SCARB1: variants seen among roughly 807,000 people sequenced by gnomAD.
SCARB1 encodes the protein CD36 and LIMPII analogous 1.
Under a neutral mutation model 57.2 loss-of-function variants are expected in SCARB1, and 30 were observed. The observed-to-expected ratio is 0.52, with a 90% CI of 0.39 to 0.71. SCARB1 has a LOEUF of 0.71. Among genes scored for constraint, SCARB1 ranks in the 30% least tolerant of loss-of-function variants. The pLI, the probability that SCARB1 is intolerant of heterozygous loss-of-function variation, is 0.00. For synonymous variants in SCARB1, 249 were observed against 268.3 expected, an observed-to-expected ratio of 0.93 and a Z score of 0.70; for missense variants, 543 against 671.2, an observed-to-expected ratio of 0.81 and a Z score of 2.11.
chr12:124,785,361 C>A, intron 11 of SCARB1: 1 of 153,204 alleles, frequency 6.5e-6, no homozygotes, highest in Non-Finnish European at 1.5e-5. Context: ...TGTCCCTGCC[C>A]TCACTCCCCT....
chr12:124,781,545 G>GA (rs1337366397), intron 12 of SCARB1, among the ~76,000 whole-genome samples: 1 of 152,140 alleles, frequency 6.6e-6, no homozygotes, highest in Non-Finnish European at 1.5e-5. Flanking sequence ...AGCCCTACAG[G>GA]AACCTGGCCA....
rs1949653520 is a variant in SCARB1 at position 124,789,703 on chromosome 12, A to G, written c.1203-2246T>C. The stretch of plus-strand genomic sequence containing the variant: ...AAAAACAAATTTTAAAACCCTAAAA[A>G]AAGAAAAATTAATTTTTAAAAAGAG... On this transcript the variant is annotated intron_variant, in intron 9 of 12. Transcript: ENST00000261693. This position sits in a 1 kb window ranked among gnomAD's most constrained non-coding sequence, Gnocchi z 4.4. Among the ~76,000 whole-genome samples, 1 of 152,260 alleles carries G rather than the reference A, an allele frequency of 6.6e-6. No homozygotes were observed. Among genetic ancestry groups the G allele is most frequent in the Non-Finnish European group, 1.5e-5 (1 of 68,042 alleles).
intron 11 of SCARB1, chr12:124,785,088 C>T (rs929699528): frequency 6.6e-6 from 1 of 152,338 alleles, no homozygotes; most frequent in Admixed American, 6.5e-5. Flanking sequence ...CTCTTCCCCA[C>T]TTCCGTTCCC....
chr12:124,821,349 C>T, intron 1 of SCARB1: 1 of 984,698 alleles, frequency 1.0e-6, no homozygotes, highest in Non-Finnish European at 1.2e-6. Context: ...GGCTGCTGGG[C>T]TGGAGATACC....
chr12:124,828,305 G>A (rs1256116527), intron 1 of SCARB1, among the ~76,000 whole-genome samples: 2 of 151,762 alleles, frequency 1.3e-5, no homozygotes, highest in Non-Finnish European at 1.5e-5. Context: ...CTAACACCCC[G>A]CTCGCCCAGG....
At chr12:124,785,655 T>C (rs913814645) in intron 11 of SCARB1, 1 of 173,784 alleles carries the variant, frequency 5.8e-6, no homozygotes, top group Non-Finnish European at 1.2e-5. Context: ...CTGCTGCACA[T>C]GTATCGTACA....
intron 7 of SCARB1, among the ~76,000 whole-genome samples, chr12:124,806,561 G>T (rs889329695): frequency 2.0e-5 from 3 of 152,134 alleles, no homozygotes; most frequent in African/African-American, 7.2e-5. Flanking sequence ...CAGGTCACAG[G>T]GTAAACGGGC....
At chr12:124,858,426 A>G (rs56723247) in intron 1 of SCARB1, among the ~76,000 whole-genome samples, 4,617 of 152,250 alleles carry the variant, frequency 0.03, 143 homozygotes, top group East Asian at 0.19. Flanking sequence ...ACCCACTGGC[A>G]GAAGGGAAAA....
At chr12:124,848,155 C>T (rs1952239572) in intron 1 of SCARB1, among the ~76,000 whole-genome samples, 1 of 152,366 alleles carries the variant, frequency 6.6e-6, no homozygotes, top group African/African-American at 2.4e-5. Flanking sequence ...ACGATCTCGG[C>T]TCACTGCAAC....
chr12:124,862,846 C>T (rs1024242719), intron 1 of SCARB1, among the ~76,000 whole-genome samples: 1 of 152,240 alleles, frequency 6.6e-6, no homozygotes, highest in Non-Finnish European at 1.5e-5. Flanking sequence ...CCTAATCTGT[C>T]TCCCTGGTTG....
At chr12:124,856,747 A>T (rs546498665) in intron 1 of SCARB1, among the ~76,000 whole-genome samples, 2 of 152,228 alleles carry the variant, frequency 1.3e-5, no homozygotes, top group African/African-American at 4.8e-5. Context: ...CCTCCCCCCC[A>T]GGTTCCGCAG....
chr12:124,818,966 A>C (rs541043679), intron 1 of SCARB1, among the ~76,000 whole-genome samples: 1 of 152,090 alleles, frequency 6.6e-6, no homozygotes, highest in South Asian at 2.1e-4. Context: ...ATAAAAAATA[A>C]TTTTTTAAAA....
intron 11 of SCARB1, 38 bp from the exon 12 acceptor site, chr12:124,782,849 A>T: frequency 6.2e-7 from 1 of 1,612,724 alleles, no homozygotes. Flanking sequence ...TTGACGTTGA[A>T]GCCACATAAA....
chr12:124,793,661 C>T (rs1423601902), intron 9 of SCARB1, among the ~76,000 whole-genome samples: 1 of 145,406 alleles, frequency 6.9e-6, no homozygotes, highest in Non-Finnish European at 1.5e-5. Flanking sequence ...CCACTGCACT[C>T]CAGCCTGGGC....
intron 1 of SCARB1, among the ~76,000 whole-genome samples, chr12:124,856,493 C>T (rs927037572): frequency 6.6e-6 from 1 of 152,230 alleles, no homozygotes; most frequent in African/African-American, 2.4e-5. Flanking sequence ...CTAAAAATAG[C>T]CCATGTTTTT....
At chr12:124,802,660 G>C (rs1594238422) in intron 7 of SCARB1, among the ~76,000 whole-genome samples, 1 of 152,236 alleles carries the variant, frequency 6.6e-6, no homozygotes, top group Middle Eastern at 3.4e-3. Context: ...TTATTACCAA[G>C]CACGCCGAGA....
intron 6 of SCARB1, among the ~76,000 whole-genome samples, chr12:124,809,135 G>A (rs537484627): frequency 3.0e-4 from 45 of 152,162 alleles, no homozygotes; most frequent in African/African-American, 1.0e-3. Flanking sequence ...GAGGTAAGGG[G>A]GCATACAGCC....
intron 1 of SCARB1, among the ~76,000 whole-genome samples, chr12:124,818,738 C>T (rs944959183): frequency 4.6e-5 from 7 of 150,658 alleles, no homozygotes; most frequent in East Asian, 1.9e-4. Flanking sequence ...CTCCATATTC[C>T]GGGTTCAAGC....
intron 7 of SCARB1, among the ~76,000 whole-genome samples, chr12:124,805,490 A>G (rs4038311): frequency 0.4 from 61,297 of 152,036 alleles, 13,076 homozygotes; most frequent in Non-Finnish European, 0.47. Context: ...TGCAGGGCCC[A>G]GGGCCATGGT....
Sources: allele counts gnomAD v4.1 joint callset (sites outside exome capture counted in the v4.1 genomes callset), GRCh38; gene constraint gnomAD v4.1.1; non-coding constraint Gnocchi (gnomAD v3.1); transcripts MANE v1.5; gene names NCBI Gene and HGNC (gene_info 2026-07-23, HGNC 2026-07-21).